The following EGR4 variants were observed in gnomAD, a reference collection of about 807,000 sequenced individuals.
EGR4 encodes the protein early growth response 4, also known as early growth response protein 4.
Under a neutral mutation model 25.4 loss-of-function variants are expected in EGR4, and 22 were observed. The ratio of observed to expected loss-of-function variants is 0.87; its 90% CI spans 0.62 to 1.24. EGR4 has a LOEUF of 1.24. Among genes scored for constraint, EGR4 ranks in the 50% most tolerant of loss-of-function variants. The pLI is 0.00. For synonymous variants in EGR4, 375 were observed against 320.1 expected (o/e 1.17, Z -1.83); for missense variants, 742 against 702.9 (o/e 1.06, Z -0.63).
In EGR4 at chr2:73,291,510, G is replaced by T. The variant is rs146903917; in HGVS notation, c.1408C>A (p.Arg470=). ...HLKQKARAEE[R]LKGLGFYSLG... is the part of the protein sequence containing the mutation. ...GAGTAAAAGCCGAGGCCCTTGAGCC[G>T]CTCCTCGGCGCGCGCCTTCTGCTTG... Residue 470 remains arginine (R), a synonymous_variant, in exon 2 of 2, where the codon CGG becomes AGG. Coordinates refer to ENST00000436467, the MANE Select transcript of EGR4 (RefSeq NM_001965.4). 1.9e-5 allele frequency: 31 copies of T among 1,612,428 alleles called. No individual in the cohort carries two copies. The highest frequency in any genetic ancestry group is 2.7e-5 in the African/African-American group (2 of 74,900).
In EGR4 at chr2:73,292,072, G is replaced by T. The variant is rs1205046698; in HGVS notation, c.846C>A (p.Gly282=). 6.2e-7 allele frequency: 1 copy of T among 1,610,764 alleles called. No homozygotes were observed. Among genetic ancestry groups the T allele is most frequent in the Admixed American group, 1.7e-5 (1 of 59,790 alleles). Reference sequence around the variant, plus strand: ...TAGGAGGGGTCAGGAGCCCAGGGAGGCCCTCAGCCCCCTCCCCTAAGTCAC... The same window carrying T: ...TAGGAGGGGTCAGGAGCCCAGGGAGTCCCTCAGCCCCCTCCCCTAAGTCAC... The part of the protein sequence containing the change: ...APGDLGEGAE[G]LPGLLTPPSG... The change falls in exon 2 of 2, where the codon GGC becomes GGA. Residue 282 remains glycine, a synonymous_variant. Coordinates refer to ENST00000436467, the MANE Select transcript of EGR4 (RefSeq NM_001965.4).
Position 73,291,257 on chromosome 2 carries a change from G to A in EGR4, c.*200C>T. On this transcript the variant is annotated 3_prime_UTR_variant, in exon 2 of 2. Transcript: ENST00000436467. ...CAAAGCGCGGCTGACAAGGGTGACA[G>A]CGCCTGGACCGCGGGAACTGTCCGC... The A allele has an allele frequency of 2.8e-6, 2 of 720,852 alleles. No homozygotes were observed. Among genetic ancestry groups the A allele is most frequent in the Admixed American group, 6.5e-5 (2 of 30,974 alleles). The allele number at this position is 720,852 out of a possible 1,614,324, so 44.7% of individuals were successfully genotyped here.
rs776197204 is a variant in EGR4 at position 73,291,769 on chromosome 2, C to A, written c.1149G>T (p.Pro383=). ...PRPHAKAFAC[P]VESCVRSFAR... ...CAAAGCTCCGCACACAACTCTCCAC[C>A]GGGCAAGCGAAGGCCTTGGCGTGCG... is the stretch of plus-strand genomic sequence containing the variant. The change falls in exon 2 of 2, where the codon CCG becomes CCT. Residue 383 remains proline, a synonymous_variant. Coordinates refer to ENST00000436467, the MANE Select transcript of EGR4 (RefSeq NM_001965.4). The A allele has an allele frequency of 6.2e-7, 1 of 1,600,912 alleles. No homozygotes were observed. The highest frequency in any genetic ancestry group is 2.2e-5 in the East Asian group (1 of 44,826).
Position 73,292,673 on chromosome 2 carries a change from T to A in EGR4, c.245A>T (p.Tyr82Phe). The A allele has an allele frequency of 6.5e-7, 1 of 1,542,442 alleles. No individual in the cohort carries two copies. The highest frequency in any genetic ancestry group is 8.7e-7 in the Non-Finnish European group (1 of 1,144,280). ...TGCCTGAATGAAGAAGCTACCGCTG[T>A]AGCTGAGGCCGGGAGGGGGTGTGGG... is the stretch of plus-strand genomic sequence containing the variant. ...PAPTPPPGLSYSGSFFIQAVP... is the reference protein window; with the variant it reads ...PAPTPPPGLSFSGSFFIQAVP... Residue 82 changes from tyrosine to phenylalanine, a missense_variant, in exon 2 of 2, where the codon TAC (tyrosine) becomes TTC (phenylalanine). By Grantham distance (22) the Tyr-to-Phe change is conservative. Transcript: ENST00000436467.
At position 73,291,903 on chromosome 2, in the gene EGR4, C is replaced by T. The variant is rs776711672; in HGVS notation, c.1015G>A (p.Ala339Thr). The change falls in exon 2 of 2, where the codon GCT becomes ACT. Residue 339 changes from alanine to threonine, a missense_variant. Ala to Thr is a moderately conservative substitution (Grantham distance 58). Coordinates refer to ENST00000436467, the MANE Select transcript of EGR4 (RefSeq NM_001965.4). The part of the protein sequence containing the change: ...VADIPGSSGV[A>T]APPVPPPPPT... ...GGCGGCGGCGGCACGGGTGGTGCAG[C>T]CACGCCACTGCTTCCAGGGATGTCC... The T allele has an allele frequency of 9.5e-6, 15 of 1,574,208 alleles. No individual in the cohort carries two copies. The highest frequency in any genetic ancestry group is 1.2e-5 in the Non-Finnish European group (14 of 1,161,964).
rs1689133401 is a variant in EGR4 at position 73,292,581 on chromosome 2, G to C, written c.337C>G (p.Pro113Ala). ...NLMSGILGLA[P>A]FPGPEAAASR... ...GCTGCTGCCTCTGGACCGGGGAAGGGTGCCAGGCCTAAGATGCCCGACATG... is the reference window on the plus strand; with the variant it reads ...GCTGCTGCCTCTGGACCGGGGAAGGCTGCCAGGCCTAAGATGCCCGACATG... Residue 113 changes from proline to alanine, a missense_variant, in exon 2 of 2, where the codon CCC (proline) becomes GCC (alanine). Pro to Ala is a conservative substitution (Grantham distance 27). Transcript: ENST00000436467. 2 of 1,513,750 alleles carry C rather than the reference G, an allele frequency of 1.3e-6. No homozygotes were observed. The highest frequency in any genetic ancestry group is 8.8e-7 in the Non-Finnish European group (1 of 1,131,192). The allele number at this position is 1,513,750 out of a possible 1,614,324, so 93.8% of individuals were successfully genotyped here.
At position 73,291,765 on chromosome 2, in the gene EGR4, C is replaced by T. The variant is rs1215263861; in HGVS notation, c.1153G>A (p.Glu385Lys). The T allele has an allele frequency of 6.2e-7, 1 of 1,601,482 alleles. No individual in the cohort carries two copies. Among genetic ancestry groups the T allele is most frequent in the South Asian group, 1.1e-5 (1 of 91,036 alleles). ...CGCGCAAAGCTCCGCACACAACTCT[C>T]CACCGGGCAAGCGAAGGCCTTGGCG... ...PHAKAFACPVESCVRSFARSD... is the reference protein window; with the variant it reads ...PHAKAFACPVKSCVRSFARSD... The change falls in exon 2 of 2, where the codon GAG becomes AAG. Residue 385 changes from glutamate (E) to lysine (K), a missense_variant. Coordinates refer to ENST00000436467, the MANE Select transcript of EGR4 (RefSeq NM_001965.4).
Position 73,292,522 on chromosome 2 carries a change from C to T in EGR4, c.396G>A (p.Ala132=), listed in dbSNP as rs1318113154. The T allele has an allele frequency of 7.9e-6, 12 of 1,517,600 alleles. No homozygotes were observed. The highest frequency in any genetic ancestry group is 7.9e-6 in the Non-Finnish European group (9 of 1,135,526). The allele number at this position is 1,517,600 out of a possible 1,614,324, so 94.0% of individuals were successfully genotyped here. ...SRSPLDAPFP[A]GSDALLPGPP... is the part of the protein sequence containing the mutation. ...GACCCGGCAGCAAGGCATCGGACCC[C>T]GCAGGAAAAGGGGCATCCAGCGGGG... The change falls in exon 2 of 2, where the codon GCG becomes GCA. Residue 132 remains alanine, a synonymous_variant. Coordinates refer to ENST00000436467, the MANE Select transcript of EGR4 (RefSeq NM_001965.4).
chr2:73,292,751 C>G lies in EGR4; in HGVS notation c.167G>C (p.Ser56Thr), dbSNP rs1226715482. ...AGDFLSWALN[S>T]CGASGDLADS... ...GGCTAAGTCCCCACTTGCGCCGCAG[C>G]TGTTCAAAGCCCAGCTCAAGAAGTC... Residue 56 changes from serine to threonine, a missense_variant, in exon 2 of 2, where the codon AGC becomes ACC. Ser to Thr is a moderately conservative substitution (Grantham distance 58). Coordinates refer to ENST00000436467, the MANE Select transcript of EGR4 (RefSeq NM_001965.4). 1 of 1,464,202 alleles carries G rather than the reference C, an allele frequency of 6.8e-7. No homozygotes were observed. The highest frequency in any genetic ancestry group is 1.5e-5 in the South Asian group (1 of 66,118). The allele number at this position is 1,464,202 out of a possible 1,614,324, so 90.7% of individuals were successfully genotyped here.
Position 73,291,834 on chromosome 2 carries a change from G to A in EGR4, c.1084C>T (p.Arg362Cys), listed in dbSNP as rs758358997. ...CAGCGCGTGCTGCATTTGCCGCCGC[G>A]GCGCCCCTTGCGTCGCGCCTTGGCC... ...PQAKARRKGR[R>C]GGKCSTRCFC... The change falls in exon 2 of 2, where the codon CGC (arginine) becomes TGC (cysteine). Residue 362 changes from arginine (R) to cysteine (C), a missense_variant. Coordinates refer to ENST00000436467, the MANE Select transcript of EGR4 (RefSeq NM_001965.4). The A allele has an allele frequency of 1.9e-6, 3 of 1,582,330 alleles. No individual in the cohort carries two copies. In the African/African-American group the frequency reaches 4.0e-5, roughly 21 times the overall value.
Position 73,292,692 on chromosome 2 carries a change from G to A in EGR4, c.226C>T (p.Pro76Ser), listed in dbSNP as rs1242622969. 1 of 1,525,038 alleles carries A rather than the reference G, an allele frequency of 6.6e-7. No homozygotes were observed. The highest frequency in any genetic ancestry group is 1.4e-5 in the African/African-American group (1 of 71,446). The allele number at this position is 1,525,038 out of a possible 1,614,324, so 94.5% of individuals were successfully genotyped here. ...CCGCTGTAGCTGAGGCCGGGAGGGG[G>A]TGTGGGCGCAGGCCCCTCCAGGAAG... is the stretch of plus-strand genomic sequence containing the variant. Reference protein sequence around the residue: ...SCFLEGPAPTPPPGLSYSGSF... With the variant: ...SCFLEGPAPTSPPGLSYSGSF... The change falls in exon 2 of 2, where the codon CCC (proline) becomes TCC (serine). Residue 76 changes from proline (P) to serine (S), a missense_variant. Pro to Ser is a moderately conservative substitution (Grantham distance 74). Transcript: ENST00000436467.
chr2:73,292,377 C>T lies in EGR4; in HGVS notation c.541G>A (p.Asp181Asn), dbSNP rs1363774229. 1.3e-6 allele frequency: 2 copies of T among 1,543,910 alleles called. No individual in the cohort carries two copies. Among genetic ancestry groups the T allele is most frequent in the African/African-American group, 1.4e-5 (1 of 72,750 alleles). ...CLYEPQLSPP[D>N]VKPGLRAPPA... is the part of the protein sequence containing the mutation. ...GGCGCCCGGAGGCCGGGCTTGACGT[C>T]GGGCGGGGAGAGCTGAGGCTCATAC... Residue 181 changes from aspartate to asparagine, a missense_variant, in exon 2 of 2, where the codon GAC becomes AAC. Coordinates refer to ENST00000436467, the MANE Select transcript of EGR4 (RefSeq NM_001965.4).
Position 73,291,325 on chromosome 2 carries a change from G to A in EGR4, c.*132C>T. The A allele has an allele frequency of 7.5e-7, 1 of 1,334,756 alleles. No individual in the cohort carries two copies. The highest frequency in any genetic ancestry group is 2.4e-5 in the East Asian group (1 of 41,746). 82.7% of individuals were successfully genotyped at this position (1,334,756 alleles called of 1,614,324 possible). On this transcript the variant is annotated 3_prime_UTR_variant, in exon 2 of 2. Transcript: ENST00000436467. ...GGGCGTGTGCGGCGGGCGCTTCAAG[G>A]AAACTGGAAGCGGGACCGGAGGCCG...
chr2:73,291,177 T>A lies in EGR4; in HGVS notation c.*280A>T. 3 of 472,682 alleles carry A rather than the reference T, an allele frequency of 6.3e-6. No individual in the cohort carries two copies. The East Asian group carries it at 1.0e-4, about 16-fold the overall frequency. 29.3% of individuals were successfully genotyped at this position (472,682 alleles called of 1,614,324 possible). ...GGGGCGTGTGCCAGTTACAAAAGAC[T>A]GTCTTGAATCCCAGGGTAGTGCCTA... is the stretch of plus-strand genomic sequence containing the variant. On this transcript the variant is annotated 3_prime_UTR_variant, in exon 2 of 2. Transcript: ENST00000436467.
In EGR4 at chr2:73,291,652, G is replaced by A. The variant is rs372760388; in HGVS notation, c.1266C>T (p.Ser422=). Residue 422 remains serine, a synonymous_variant, in exon 2 of 2, where the codon AGC becomes AGT. Transcript: ENST00000436467. The part of the protein sequence containing the change: ...CRICLRNFSR[S]DHLTTHVRTH... ...TGCGCACGTGCGTGGTGAGGTGGTC[G>A]CTGCGGCTGAAGTTGCGGAGGCAGA... 15 of 1,611,946 alleles carry A rather than the reference G, an allele frequency of 9.3e-6. No individual in the cohort carries two copies. Among genetic ancestry groups the A allele is most frequent in the Non-Finnish European group, 1.3e-5 (15 of 1,179,926 alleles).
In EGR4 at chr2:73,292,275, C is replaced by T. The variant is rs574121123; in HGVS notation, c.643G>A (p.Ala215Thr). Residue 215 changes from alanine to threonine, a missense_variant, in exon 2 of 2, where the codon GCC becomes ACC. Transcript: ENST00000436467. Reference sequence around the variant, plus strand: ...CCCTGTGACCCACAGTTCCCTGGGGCCCCCACAGAAAGCAGCTCCCAGGGC... The same window carrying T: ...CCCTGTGACCCACAGTTCCCTGGGGTCCCCACAGAAAGCAGCTCCCAGGGC... ...YAPWELLSVG[A>T]PGNCGSQGDY... The T allele has an allele frequency of 9.9e-6, 16 of 1,610,064 alleles. No homozygotes were observed. The East Asian group carries it at 3.6e-4, about 36-fold the overall frequency.
At chr2:73,293,103 A>T in intron 1 of EGR4, 79 bp downstream of exon 1, 1 of 1,305,140 alleles carries the variant, frequency 7.7e-7, no homozygotes, top group Non-Finnish European at 1.0e-6. Flanking sequence ...CCAATGTCCC[A>T]GTCCCTCCTG....
At position 73,291,982 on chromosome 2, in the gene EGR4, G is replaced by A. The variant is rs568151065; in HGVS notation, c.936C>T (p.Ser312=). 4 of 1,599,370 alleles carry A rather than the reference G, an allele frequency of 2.5e-6. No homozygotes were observed. The East Asian group carries it at 9.0e-5, about 36-fold the overall frequency. Residue 312 remains serine, a synonymous_variant, in exon 2 of 2, where the codon TCC becomes TCT. Coordinates refer to ENST00000436467, the MANE Select transcript of EGR4 (RefSeq NM_001965.4). Reference sequence around the variant, plus strand: ...CGGCGGCGCTGCGAAGGCCCAGCGGGGAAAGCTGAGGCTGCGTACTGGCCA... The same window carrying A: ...CGGCGGCGCTGCGAAGGCCCAGCGGAGAAAGCTGAGGCTGCGTACTGGCCA... ...EFLASTQPQL[S]PLGLRSAAAA...
At position 73,292,180 on chromosome 2, in the gene EGR4, G is replaced by A. The variant is rs1452845256; in HGVS notation, c.738C>T (p.Ile246=). The change falls in exon 2 of 2, where the codon ATC becomes ATT. Residue 246 remains isoleucine, a synonymous_variant. Transcript: ENST00000436467. ...CGGCCGGCAGTTCCGCAGGGCAGCTGATGGACAGCAAGTCCTCAATCTTGG... is the reference window on the plus strand; with the variant it reads ...CGGCCGGCAGTTCCGCAGGGCAGCTAATGGACAGCAAGTCCTCAATCTTGG... ...IGTKIEDLLS[I]SCPAELPAVP... 2 of 1,588,498 alleles carry A rather than the reference G, an allele frequency of 1.3e-6. No individual in the cohort carries two copies. Among genetic ancestry groups the A allele is most frequent in the African/African-American group, 2.7e-5 (2 of 74,430 alleles).
Sources: allele counts gnomAD v4.1 joint callset, GRCh38; gene constraint gnomAD v4.1.1; transcripts MANE v1.5; gene names NCBI Gene and HGNC (gene_info 2026-07-23, HGNC 2026-07-21).